Variants in KIF13B observed in about 807,000 individuals in gnomAD.
KIF13B encodes the protein kinesin-like protein KIF13B.
In KIF13B, 127 loss-of-function variants were observed where a neutral mutation model predicts 222.0. That is an observed-to-expected ratio of 0.57 (90% CI 0.50 to 0.66). The LOEUF (loss-of-function observed/expected upper bound fraction) is 0.66. KIF13B is among the 30% of genes least tolerant of loss of function. KIF13B has a pLI of 0.00. For synonymous variants in KIF13B, 976 were observed against 919.0 expected (o/e 1.06, Z -1.12); for missense variants, 2,173 against 2,379.0 (o/e 0.91, Z 1.80).
intron 10 of KIF13B, among the ~76,000 whole-genome samples, chr8:29,174,087 A>G (rs138665207): frequency 8.7e-4 from 132 of 152,332 alleles, no homozygotes; most frequent in Middle Eastern, 3.4e-3. Flanking sequence ...GAACGCATCC[A>G]TCACCTTACA....
chr8:29,108,315 G>T, intron 34 of KIF13B, 123 bp from the exon 35 acceptor site: 1 of 814,064 alleles, frequency 1.2e-6, no homozygotes, highest in Non-Finnish European at 2.0e-6. Context: ...CAGAGAGGTT[G>T]TCATGACGAA....
At chr8:29,118,833 T>C (rs764712861) in intron 30 of KIF13B, 35 bp downstream of exon 30, 1 of 1,611,096 alleles carries the variant, frequency 6.2e-7, no homozygotes. Context: ...GGAAACCACT[T>C]TTCATCTGAC....
At chr8:29,128,656 G>C (rs1810217946) in intron 24 of KIF13B, among the ~76,000 whole-genome samples, 1 of 152,276 alleles carries the variant, frequency 6.6e-6, no homozygotes, top group African/African-American at 2.4e-5. Context: ...GGTGAAGTGC[G>C]CACTTGAAGG....
At chr8:29,146,644 G>C in intron 17 of KIF13B, 104 bp from the exon 18 acceptor site, 1 of 1,074,076 alleles carries the variant, frequency 9.3e-7, no homozygotes, top group Admixed American at 2.3e-5. Flanking sequence ...AGTGTGAATT[G>C]AGCTTTTTCC....
chr8:29,261,535 T>C (rs1441583505), intron 1 of KIF13B, among the ~76,000 whole-genome samples: 1 of 152,230 alleles, frequency 6.6e-6, no homozygotes, highest in East Asian at 1.9e-4. Context: ...TATGTTTCAT[T>C]TGGCTTCTTT....
intron 37 of KIF13B, among the ~76,000 whole-genome samples, chr8:29,090,859 G>T (rs1179738501): frequency 6.6e-6 from 1 of 152,050 alleles, no homozygotes; most frequent in Non-Finnish European, 1.5e-5. Flanking sequence ...AGCCTCCTGT[G>T]TAGCTATGAC....
At chr8:29,117,683 A>G (rs1268819138) in intron 30 of KIF13B, among the ~76,000 whole-genome samples, 1 of 152,144 alleles carries the variant, frequency 6.6e-6, no homozygotes, top group Non-Finnish European at 1.5e-5. Context: ...CTTCTTAGGG[A>G]CACTATTAAG....
At chr8:29,203,988 C>T (rs1207024206) in intron 2 of KIF13B, among the ~76,000 whole-genome samples, 1 of 151,378 alleles carries the variant, frequency 6.6e-6, no homozygotes, top group Non-Finnish European at 1.5e-5. Context: ...TAGGAGGAGA[C>T]CTAGAAAAGG....
intron 2 of KIF13B, among the ~76,000 whole-genome samples, chr8:29,238,537 G>T (rs1660795434): frequency 6.6e-6 from 1 of 152,202 alleles, no homozygotes. Flanking sequence ...TAAAAAAGAT[G>T]ATGTGATCAA....
intron 2 of KIF13B, among the ~76,000 whole-genome samples, chr8:29,215,002 A>G (rs761041354): frequency 9.2e-5 from 14 of 152,170 alleles, no homozygotes; most frequent in Non-Finnish European, 1.6e-4. Context: ...TGCTGGAGAG[A>G]CAAAATCAAA....
intron 31 of KIF13B, among the ~76,000 whole-genome samples, chr8:29,114,335 T>G (rs2129644623): frequency 6.6e-6 from 1 of 152,312 alleles, no homozygotes; most frequent in African/African-American, 2.4e-5. Context: ...CAAACCTACC[T>G]AATGATGATT....
At chr8:29,129,164 T>C (rs1023952975) in intron 24 of KIF13B, among the ~76,000 whole-genome samples, 4 of 152,230 alleles carry the variant, frequency 2.6e-5, no homozygotes, top group Non-Finnish European at 5.9e-5. Context: ...AGCCCTTTCC[T>C]GATAAACCAA....
At chr8:29,084,071 C>A (rs1028034083) in intron 37 of KIF13B, among the ~76,000 whole-genome samples, 3 of 152,152 alleles carry the variant, frequency 2.0e-5, no homozygotes, top group South Asian at 2.1e-4. Flanking sequence ...CCCACCACCA[C>A]GCCCAGCTAA....
chr8:29,074,184 G>GC (rs985698171), intron 38 of KIF13B, among the ~76,000 whole-genome samples: 10 of 152,134 alleles, frequency 6.6e-5, no homozygotes, highest in African/African-American at 2.2e-4. Flanking sequence ...CCTCAGATTT[G>GC]CAAGTATCAT....
chr8:29,091,021 T>C (rs1189028621), intron 37 of KIF13B, among the ~76,000 whole-genome samples: 3 of 152,220 alleles, frequency 2.0e-5, no homozygotes, highest in Non-Finnish European at 2.9e-5. Context: ...CTCGGCCATA[T>C]ATTTTATATT....
intron 28 of KIF13B, 30 bp downstream of exon 28, chr8:29,123,336 A>C: frequency 6.2e-7 from 1 of 1,611,558 alleles, no homozygotes; most frequent in South Asian, 1.1e-5. Context: ...GAGCGTTCAG[A>C]CCTCACAAGA....
At chr8:29,088,973 C>G (rs927654960) in intron 37 of KIF13B, among the ~76,000 whole-genome samples, 2 of 152,186 alleles carry the variant, frequency 1.3e-5, no homozygotes, top group Non-Finnish European at 2.9e-5. Context: ...AAATGAAAAG[C>G]TAAGATTTCT....
At chr8:29,257,452 TAATA>T (rs1816526351) in intron 1 of KIF13B, among the ~76,000 whole-genome samples, 1 of 152,156 alleles carries the variant, frequency 6.6e-6, no homozygotes, top group Non-Finnish European at 1.5e-5. Flanking sequence ...TCTCCTTAAT[TAATA>T]GTTTTGTCAG....
At chr8:29,101,304 AC>A (rs375266215) in intron 35 of KIF13B, among the ~76,000 whole-genome samples, 14 of 152,336 alleles carry the variant, frequency 9.2e-5, no homozygotes, top group African/African-American at 2.2e-4. Flanking sequence ...GCGAGCTCAC[AC>A]ATGGCTGTTC....
Sources: gnomAD v4.1 joint callset for allele counts (sites outside exome capture counted in the v4.1 genomes callset) on GRCh38, gnomAD v4.1.1 for gene constraint, MANE v1.5 for transcripts, NCBI Gene and HGNC (gene_info 2026-07-23, HGNC 2026-07-21) for gene names.